The following TTLL5 variants were observed in gnomAD, a reference collection of about 807,000 sequenced individuals.
The protein encoded by TTLL5 is tubulin polyglutamylase TTLL5.
A neutral mutation model predicts 168.4 loss-of-function variants in TTLL5; 132 were observed. The ratio of observed to expected loss-of-function variants is 0.78; its 90% confidence interval spans 0.68 to 0.91. TTLL5 has a LOEUF of 0.91. Ranked by LOEUF, TTLL5 falls within the 40% of genes least tolerant of loss-of-function variation. The pLI, the probability that TTLL5 is intolerant of heterozygous loss-of-function variation, is 0.00. For synonymous variants in TTLL5, 546 were observed against 558.6 expected, an observed-to-expected ratio of 0.98 and a Z score of 0.32; for missense variants, 1,545 against 1,581.5, an observed-to-expected ratio of 0.98 and a Z score of 0.39.
intron 31 of TTLL5, among the ~76,000 whole-genome samples, chr14:75,946,737 T>C (rs996802233): frequency 6.6e-6 from 1 of 151,722 alleles, no homozygotes; most frequent in Non-Finnish European, 1.5e-5. Flanking sequence ...GTGGGAAATG[T>C]TCTAGAGAGA....
At chr14:75,677,811 T>G (rs866592762) in intron 3 of TTLL5, among the ~76,000 whole-genome samples, 3 of 151,858 alleles carry the variant, frequency 2.0e-5, no homozygotes, top group Middle Eastern at 6.8e-3. Flanking sequence ...TTTTTTTTTT[T>G]GTTAGTGACG....
intron 31 of TTLL5, among the ~76,000 whole-genome samples, chr14:75,904,645 G>A (rs1164062341): frequency 1.3e-5 from 2 of 152,148 alleles, no homozygotes; most frequent in Non-Finnish European, 2.9e-5. Context: ...AGAGCAAGAA[G>A]AAGAAGTTGT....
chr14:75,724,670 G>A (rs367561580), intron 12 of TTLL5, among the ~76,000 whole-genome samples: 1 of 152,190 alleles, frequency 6.6e-6, no homozygotes, highest in African/African-American at 2.4e-5. Flanking sequence ...TGGGGCTTCA[G>A]AAGATGGGTT....
At chr14:75,785,601 A>G (rs1313741373) in intron 26 of TTLL5, among the ~76,000 whole-genome samples, 4 of 152,160 alleles carry the variant, frequency 2.6e-5, no homozygotes, top group Non-Finnish European at 5.9e-5. Flanking sequence ...ATTCAGTTAA[A>G]TCAGCATCAT....
chr14:75,803,331 T>C, intron 27 of TTLL5: 1 of 152,250 alleles, frequency 6.6e-6, no homozygotes, highest in East Asian at 1.9e-4. Flanking sequence ...CATTAGAGGT[T>C]AGATTCTTAA....
At chr14:75,880,661 T>C (rs1301628434) in intron 29 of TTLL5, among the ~76,000 whole-genome samples, 1 of 152,190 alleles carries the variant, frequency 6.6e-6, no homozygotes, top group African/African-American at 2.4e-5. Context: ...TTACTTCCAA[T>C]TGAGTTTCTC....
intron 3 of TTLL5, among the ~76,000 whole-genome samples, chr14:75,676,887 C>T (rs1281243200): frequency 6.6e-6 from 1 of 151,864 alleles, no homozygotes; most frequent in Non-Finnish European, 1.5e-5. Flanking sequence ...AACTCTCTTG[C>T]CTCAGCCTCC....
At chr14:75,922,608 A>T (rs1040951649) in intron 31 of TTLL5, among the ~76,000 whole-genome samples, 2 of 152,138 alleles carry the variant, frequency 1.3e-5, no homozygotes, top group Non-Finnish European at 2.9e-5. Context: ...AAGCTTTTTG[A>T]TGTGCTGCTG....
intron 31 of TTLL5, among the ~76,000 whole-genome samples, chr14:75,914,792 T>G (rs1425317081): frequency 1.3e-5 from 2 of 152,022 alleles, no homozygotes; most frequent in Non-Finnish European, 1.5e-5. Flanking sequence ...CCTGGCTAAT[T>G]TTTTGTATTT....
At chr14:75,768,118 G>C (rs2140302205) in intron 20 of TTLL5, among the ~76,000 whole-genome samples, 1 of 152,284 alleles carries the variant, frequency 6.6e-6, no homozygotes, top group South Asian at 2.1e-4. Flanking sequence ...GAATGGATAA[G>C]ATTGTTCACA....
intron 6 of TTLL5, 93 bp downstream of exon 6, chr14:75,690,415 G>A: frequency 6.9e-7 from 1 of 1,459,160 alleles, no homozygotes; most frequent in South Asian, 1.5e-5. Context: ...ACCAATCAGG[G>A]CTTTCCAAAT....
intron 9 of TTLL5, among the ~76,000 whole-genome samples, chr14:75,715,888 A>G (rs1035566971): frequency 2.0e-5 from 3 of 151,990 alleles, no homozygotes; most frequent in Non-Finnish European, 1.5e-5. Context: ...ATTCCAGCTC[A>G]CCACAGACTT....
At chr14:75,825,407 T>C (rs1895065009) in intron 28 of TTLL5, among the ~76,000 whole-genome samples, 1 of 152,148 alleles carries the variant, frequency 6.6e-6, no homozygotes, top group Non-Finnish European at 1.5e-5. Context: ...CTCTTCCTTT[T>C]TCTTTGACCC....
intron 27 of TTLL5, among the ~76,000 whole-genome samples, chr14:75,812,704 G>A (rs951185430): frequency 1.3e-5 from 2 of 152,104 alleles, no homozygotes; most frequent in South Asian, 2.1e-4. Context: ...TCCCCTGCCC[G>A]TGAGCTTTGT....
chr14:75,801,761 T>G (rs1893337539), intron 27 of TTLL5, among the ~76,000 whole-genome samples: 1 of 152,240 alleles, frequency 6.6e-6, no homozygotes, highest in African/African-American at 2.4e-5. Flanking sequence ...AATGGTTTAG[T>G]ATAGATTCTG....
At chr14:75,921,978 C>T (rs1164469697) in intron 31 of TTLL5, among the ~76,000 whole-genome samples, 1 of 152,128 alleles carries the variant, frequency 6.6e-6, no homozygotes, top group Non-Finnish European at 1.5e-5. Context: ...ATTTTATTCT[C>T]TTTGTAGCAA....
intron 31 of TTLL5, among the ~76,000 whole-genome samples, chr14:75,923,658 A>T (rs1423413865): frequency 1.3e-5 from 2 of 152,180 alleles, no homozygotes; most frequent in Non-Finnish European, 2.9e-5. Context: ...AATAAGTGTG[A>T]TGTGGTGCTA....
intron 31 of TTLL5, among the ~76,000 whole-genome samples, chr14:75,948,209 G>A (rs1441176177): frequency 1.3e-5 from 2 of 152,054 alleles, no homozygotes; most frequent in Non-Finnish European, 2.9e-5. Flanking sequence ...AATTGGCGGG[G>A]CACAGTGGTT....
Position 75,707,060 on chromosome 14 carries a change from T to A in TTLL5, c.628T>A (p.Tyr210Asn), listed in dbSNP as rs998794256. 1 of 1,612,850 alleles carries A rather than the reference T, an allele frequency of 6.2e-7. No homozygotes were observed. Among genetic ancestry groups the A allele is most frequent in the African/African-American group, 1.3e-5 (1 of 74,846 alleles). The change falls in exon 8 of 32, where the codon TAC becomes AAC. Residue 210 changes from tyrosine (Y) to asparagine (N), a missense_variant. Physicochemically the swap from Tyr to Asn is moderately radical, Grantham distance 143. Coordinates refer to ENST00000298832, the MANE Select transcript of TTLL5 (RefSeq NM_015072.5). ...SLEENILVSR[Y>N]INNPLLIDDF... is the part of the protein sequence containing the mutation. ...GGAAGAGAACATTTTGGTCTCCCGTTACATTAACAACCCCCTGCTCATAGA... is the reference window on the plus strand; with the variant it reads ...GGAAGAGAACATTTTGGTCTCCCGTAACATTAACAACCCCCTGCTCATAGA...
Sources: gnomAD v4.1 joint callset for allele counts (sites outside exome capture counted in the v4.1 genomes callset) on GRCh38, gnomAD v4.1.1 for gene constraint, MANE v1.5 for transcripts, NCBI Gene and HGNC (gene_info 2026-07-23, HGNC 2026-07-21) for gene names.